EGFLAM: variants seen among roughly 807,000 people sequenced by gnomAD.
The protein encoded by EGFLAM is EGF like, fibronectin type III and laminin G domains.
EGFLAM carries 79 observed loss-of-function variants against 113.1 expected under a neutral mutation model. The ratio of observed to expected loss-of-function variants is 0.70; its 90% CI spans 0.58 to 0.84. The LOEUF (loss-of-function observed/expected upper bound fraction) is 0.84. EGFLAM is among the 40% of genes least tolerant of loss of function. The probability of loss-of-function intolerance (pLI) is 0.00; values close to 1 mark genes in which losing one functional copy is unlikely to be tolerated. For missense variants in EGFLAM, 1,265 were observed against 1,291.6 expected (o/e 0.98, Z 0.32); for synonymous variants, 504 against 487.6 (o/e 1.03, Z -0.44).
chr5:38,324,373 C>T (rs903754951), intron 1 of EGFLAM, among the ~76,000 whole-genome samples: 3 of 152,150 alleles, frequency 2.0e-5, no homozygotes, highest in African/African-American at 7.2e-5. Flanking sequence ...CTCCCTTTAT[C>T]CTGCCCCCCT....
Position 38,409,067 on chromosome 5 carries a change from A to G in EGFLAM, c.1312A>G (p.Met438Val). The change falls in exon 10 of 22, where the codon ATG becomes GTG. Residue 438 changes from methionine to valine, a missense_variant. Transcript: ENST00000322350. ...GENEHGRGDF[M>V]SLAIIRRSLQ... Reference sequence around the variant, plus strand: ...GAACGAACACGGGAGGGGGGATTTCATGTCCCTGGCTATCATCCGACGCTC... The same window carrying G: ...GAACGAACACGGGAGGGGGGATTTCGTGTCCCTGGCTATCATCCGACGCTC... The G allele has an allele frequency of 6.3e-7, 1 of 1,593,676 alleles. No homozygotes were observed. The highest frequency in any genetic ancestry group is 8.6e-7 in the Non-Finnish European group (1 of 1,168,764).
At chr5:38,341,631 A>G (rs551056778) in intron 3 of EGFLAM, among the ~76,000 whole-genome samples, 2 of 152,244 alleles carry the variant, frequency 1.3e-5, no homozygotes, top group Non-Finnish European at 2.9e-5. Context: ...TGCTATAAAT[A>G]TTACTGACAC....
intron 1 of EGFLAM, among the ~76,000 whole-genome samples, chr5:38,334,405 C>G (rs947847216): frequency 6.6e-6 from 1 of 152,180 alleles, no homozygotes; most frequent in African/African-American, 2.4e-5. Flanking sequence ...GGCCCATAGA[C>G]AGCTGTCTTC....
intron 18 of EGFLAM, among the ~76,000 whole-genome samples, chr5:38,449,973 G>T (rs185827776): frequency 7.2e-5 from 11 of 152,266 alleles, no homozygotes; most frequent in Middle Eastern, 6.8e-3. Context: ...CCACTCCCCA[G>T]CTGCCCATAA....
intron 1 of EGFLAM, among the ~76,000 whole-genome samples, chr5:38,327,537 G>T (rs534885318): frequency 1.2e-3 from 178 of 152,030 alleles, no homozygotes; most frequent in African/African-American, 4.1e-3. Context: ...TAATAGTATT[G>T]GTGGCAATTG....
At chr5:38,405,616 T>C (rs1741260121) in intron 6 of EGFLAM, among the ~76,000 whole-genome samples, 1 of 152,228 alleles carries the variant, frequency 6.6e-6, no homozygotes, top group Non-Finnish European at 1.5e-5. Context: ...TTTGTTCTTA[T>C]AAATAGCATA....
At chr5:38,313,667 T>C (rs1244372611) in intron 1 of EGFLAM, among the ~76,000 whole-genome samples, 1 of 152,212 alleles carries the variant, frequency 6.6e-6, no homozygotes. Context: ...GATTCTACCA[T>C]TTAAAAAAAC....
rs77760676 is a variant in EGFLAM, at chr5:38,367,956, T to C, written c.546-2340T>C. Among the ~76,000 whole-genome samples, 22 of 152,342 alleles carry C rather than the reference T, an allele frequency of 1.4e-4. No homozygotes were observed. In the East Asian group the frequency reaches 4.0e-3, roughly 28 times the overall value. On this transcript the variant is annotated intron_variant, in intron 5 of 21. Transcript: ENST00000322350. Reference sequence around the variant, plus strand: ...GATTTAATCTCTTGTTTGCTGGAAATAAGAGTTTTTCTTTTCTGCATTAAA... The same window carrying C: ...GATTTAATCTCTTGTTTGCTGGAAACAAGAGTTTTTCTTTTCTGCATTAAA...
At chr5:38,343,057 G>T (rs1053003123) in intron 3 of EGFLAM, among the ~76,000 whole-genome samples, 1 of 152,038 alleles carries the variant, frequency 6.6e-6, no homozygotes, top group Admixed American at 6.6e-5. Context: ...TCAGAGCAAG[G>T]GTGACCAGGG....
chr5:38,292,530 A>G (rs1176126350), intron 1 of EGFLAM, among the ~76,000 whole-genome samples: 4 of 152,240 alleles, frequency 2.6e-5, no homozygotes, highest in Admixed American at 2.6e-4. Flanking sequence ...TGTGTTCCCC[A>G]GTTCGCTGCT....
At chr5:38,403,947 A>T in intron 6 of EGFLAM, 2 of 1,612,866 alleles carry the variant, frequency 1.2e-6, no homozygotes, top group South Asian at 2.2e-5. Context: ...ACTACTTTAA[A>T]TAAAACTGGG....
At chr5:38,349,766 T>TACACACACAC (rs748306970) in intron 3 of EGFLAM, among the ~76,000 whole-genome samples, 5 of 107,570 alleles carry the variant, frequency 4.6e-5, no homozygotes, top group African/African-American at 8.4e-5. Context: ...GCAGGGGAAG[T>TACACACACAC]ACACACGCAC....
chr5:38,452,895 T>TC (rs1742967925), intron 19 of EGFLAM, among the ~76,000 whole-genome samples: 1 of 152,214 alleles, frequency 6.6e-6, no homozygotes, highest in South Asian at 2.1e-4. Context: ...GAATGAGTTC[T>TC]CCCCACTCTT....
intron 12 of EGFLAM, 136 bp from the exon 13 acceptor site, chr5:38,424,831 T>C: frequency 1.6e-6 from 2 of 1,227,962 alleles, no homozygotes; most frequent in South Asian, 1.9e-5. Flanking sequence ...TTTGCAGTTG[T>C]GCAGAGCTGC....
At chr5:38,403,534 T>G (rs1741182617) in intron 6 of EGFLAM, 1 of 288,592 alleles carries the variant, frequency 3.5e-6, no homozygotes, top group Non-Finnish European at 6.8e-6. Flanking sequence ...ACCATGACAG[T>G]GAATCTGACA....
chr5:38,415,988 G>A (rs368153616), intron 11 of EGFLAM, among the ~76,000 whole-genome samples: 17 of 152,032 alleles, frequency 1.1e-4, no homozygotes, highest in African/African-American at 2.4e-4. Flanking sequence ...CCCACGACCC[G>A]TGGGGATTAT....
At chr5:38,337,371 G>C (rs956529939) in intron 1 of EGFLAM, 149 bp from the exon 2 acceptor site, 3 of 729,164 alleles carry the variant, frequency 4.1e-6, no homozygotes, top group Non-Finnish European at 4.4e-6. Context: ...GCTGAGATAG[G>C]TGTGGTGTAT....
Position 38,458,181 on chromosome 5 carries a change from T to A in EGFLAM, c.2688-130T>A, listed in dbSNP as rs1410871666. On this transcript the variant is annotated intron_variant, in intron 19 of 21. Transcript: ENST00000322350. ...AACCCAACAACTTTTATAACACTCT[T>A]GTTTTTTGTTAAGGAAACTGCACTC... 5.5e-6 allele frequency: 4 copies of A among 726,804 alleles called. No homozygotes were observed. In the East Asian group the frequency reaches 8.2e-5, roughly 15 times the overall value. The allele number at this position is 726,804 out of a possible 1,614,324, so 45.0% of individuals were successfully genotyped here.
At chr5:38,299,474 A>G (rs1037367418) in intron 1 of EGFLAM, among the ~76,000 whole-genome samples, 37 of 152,074 alleles carry the variant, frequency 2.4e-4, no homozygotes, top group African/African-American at 6.8e-4. Flanking sequence ...GTAATCCCCA[A>G]TGTCAGAGGT....
Sources: gnomAD v4.1 joint callset for allele counts (sites outside exome capture counted in the v4.1 genomes callset) on GRCh38, gnomAD v4.1.1 for gene constraint, MANE v1.5 for transcripts, NCBI Gene and HGNC (gene_info 2026-07-23, HGNC 2026-07-21) for gene names.